COL18A1: variants seen among roughly 807,000 people sequenced by gnomAD.
The protein encoded by COL18A1 is collagen type XVIII alpha 1 chain.
COL18A1 carries 133 observed loss-of-function variants against 168.0 expected under a neutral mutation model. The ratio of observed to expected loss-of-function variants is 0.79; its 90% confidence interval spans 0.69 to 0.91. COL18A1 has a LOEUF of 0.91. COL18A1 is among the 40% of genes least tolerant of loss of function. The pLI, the probability that COL18A1 is intolerant of heterozygous loss-of-function variation, is 0.00. For synonymous variants in COL18A1, 949 were observed against 809.0 expected, an observed-to-expected ratio of 1.17 and a Z score of -2.94; for missense variants, 2,126 against 1,925.4, an observed-to-expected ratio of 1.10 and a Z score of -1.95.
At chr21:45,445,377 G>A (rs969083584) in intron 2 of COL18A1, among the ~76,000 whole-genome samples, 2 of 152,212 alleles carry the variant, frequency 1.3e-5, no homozygotes, top group African/African-American at 2.4e-5. Flanking sequence ...ACTTCTGAGC[G>A]GTGTCCACCT....
chr21:45,504,083 C>T (rs768956613), intron 33 of COL18A1, 29 bp downstream of exon 33: 22 of 1,611,342 alleles, frequency 1.4e-5, no homozygotes, highest in Non-Finnish European at 1.7e-5. Context: ...GGGTTGGGGG[C>T]CCCCAAGGTC....
intron 9 of COL18A1, among the ~76,000 whole-genome samples, chr21:45,479,253 TTACACAC>T (rs1419199758): frequency 6.6e-6 from 1 of 151,420 alleles, no homozygotes; most frequent in Non-Finnish European, 1.5e-5. Context: ...ACACCACACA[TTACACAC>T]CACACGTGGA....
At chr21:45,509,633 A>G in intron 39 of COL18A1, 32 bp downstream of exon 39, 1 of 1,173,724 alleles carries the variant, frequency 8.5e-7, no homozygotes, top group Non-Finnish European at 1.2e-6. Flanking sequence ...GCTTGGCTCC[A>G]TCTAGCCCCT....
Position 45,497,105 on chromosome 21 carries a change from G to A in COL18A1, c.2620+13G>A, listed in dbSNP as rs771100378. On this transcript the variant is annotated intron_variant, in intron 31 of 41. Coordinates refer to ENST00000651438, the MANE Select transcript of COL18A1 (RefSeq NM_001379500.1). ...CCAGGATTGCCAGGTGAGGGTCCTG[G>A]GCTCACAGCTGGGGACACAGGCTCT... 1.3e-6 allele frequency: 2 copies of A among 1,546,510 alleles called. No homozygotes were observed. Among genetic ancestry groups the A allele is most frequent in the South Asian group, 2.2e-5 (2 of 89,976 alleles).
chr21:45,467,347 G>A, intron 2 of COL18A1: 1 of 985,468 alleles, frequency 1.0e-6, no homozygotes, highest in Non-Finnish European at 1.2e-6. Flanking sequence ...GGAATGAGTG[G>A]AGTGAGTCAC....
intron 23 of COL18A1, 36 bp downstream of exon 23, chr21:45,492,600 C>G: frequency 6.2e-7 from 1 of 1,612,498 alleles, no homozygotes; most frequent in Non-Finnish European, 8.5e-7. Context: ...GACGGGCCTG[C>G]GGGGACCTGG....
In COL18A1 at chr21:45,510,982, A is replaced by T; in HGVS notation, c.3694-129A>T. The T allele has an allele frequency of 5.6e-4, 8 of 14,392 alleles. 3 individuals are homozygous for T. The highest frequency in any genetic ancestry group is 9.9e-4 in the South Asian group (2 of 2,020). The allele number at this position is 14,392 out of a possible 1,614,324, so 0.9% of individuals were successfully genotyped here. On this transcript the variant is annotated intron_variant, in intron 40 of 41. Transcript: ENST00000651438. ...CCACATACACCCCCAAACACCCCCC[A>T]CACCCCACACACACAACACACCCCC...
chr21:45,405,897 G>A (rs2033089645), intron 2 of COL18A1, among the ~76,000 whole-genome samples: 1 of 151,816 alleles, frequency 6.6e-6, no homozygotes, highest in Non-Finnish European at 1.5e-5. Context: ...TCGTCTCCGC[G>A]TTTCCAACCT....
rs758219052 is a variant in COL18A1 at position 45,463,941 on chromosome 21, TCATTGTTATATCATGTG to T, written c.107-4298_107-4282del. ...AAAGAAATCAAGTCTTGAGGCATCA[TCATTGTTATATCATGTG>T]CAGGTGTCTAGCCTGGATGCCACCC... On this transcript the variant is annotated intron_variant, in intron 2 of 41. Coordinates refer to ENST00000651438, the MANE Select transcript of COL18A1 (RefSeq NM_001379500.1). The surrounding 1 kb of genome is among the most constrained non-coding windows in gnomAD (Gnocchi z 4.0). Among the ~76,000 whole-genome samples the T allele has an allele frequency of 1.3e-5, 2 of 151,938 alleles. No homozygotes were observed. The highest frequency in any genetic ancestry group is 2.9e-5 in the Non-Finnish European group (2 of 67,972).
At chr21:45,495,759 C>T in intron 29 of COL18A1, 1 of 379,732 alleles carries the variant, frequency 2.6e-6, no homozygotes, top group South Asian at 2.2e-5. Flanking sequence ...TGTACACATG[C>T]CCATACACTC....
At chr21:45,428,016 A>G (rs542475481) in intron 2 of COL18A1, among the ~76,000 whole-genome samples, 8 of 152,242 alleles carry the variant, frequency 5.3e-5, no homozygotes, top group Non-Finnish European at 8.8e-5. Flanking sequence ...GTCACAGCCA[A>G]CGCAGCCTAC....
intron 36 of COL18A1, among the ~76,000 whole-genome samples, 173 bp downstream of exon 36, chr21:45,505,604 A>G (rs2037152035): frequency 6.6e-6 from 1 of 152,104 alleles, no homozygotes; most frequent in Non-Finnish European, 1.5e-5. Context: ...AGGTGGACCC[A>G]GGAGGACGAC....
In COL18A1 at chr21:45,510,222, C is replaced by A. The variant is rs1391001632; in HGVS notation, c.3654C>A (p.Arg1218=). 1.9e-6 allele frequency: 3 copies of A among 1,606,398 alleles called. No homozygotes were observed. Among genetic ancestry groups the A allele is most frequent in the Non-Finnish European group, 2.5e-6 (3 of 1,177,224 alleles). ...SRLQDLYSIV[R]RADRAAVPIV... ...TGCAGGACCTGTACAGCATCGTGCGCCGTGCCGACCGCGCAGCCGTGCCCA... is the reference window on the plus strand; with the variant it reads ...TGCAGGACCTGTACAGCATCGTGCGACGTGCCGACCGCGCAGCCGTGCCCA... Residue 1218 remains arginine, a synonymous_variant, in exon 40 of 42, where the codon CGC becomes CGA. Transcript: ENST00000651438.
chr21:45,437,856 A>ACT (rs2034219005), intron 2 of COL18A1, among the ~76,000 whole-genome samples: 1 of 64,840 alleles, frequency 1.5e-5, no homozygotes, highest in East Asian at 4.5e-4. Flanking sequence ...GCACACACTC[A>ACT]CACTCACACT....
At position 45,489,492 on chromosome 21, in the gene COL18A1, C is replaced by T. The variant is rs1238589520; in HGVS notation, c.1930C>T (p.Pro644Ser). The stretch of plus-strand genomic sequence containing the variant: ...AGCCCCTTTTTTCACTTAGGGGGAT[C>T]CTGGCGTGCCTGGGCTGCCGGGGGC... Reference protein sequence around the residue: ...PPGLPGLKGDPGVPGLPGAKG... With the variant: ...PPGLPGLKGDSGVPGLPGAKG... The change falls in exon 19 of 42, where the codon CCT (proline) becomes TCT (serine). Residue 644 changes from proline to serine, a missense_variant. Physicochemically the swap from Pro to Ser is moderately conservative, Grantham distance 74. Transcript: ENST00000651438. 2.5e-6 allele frequency: 4 copies of T among 1,602,254 alleles called. No individual in the cohort carries two copies. Among genetic ancestry groups the T allele is most frequent in the African/African-American group, 1.3e-5 (1 of 74,746 alleles).
chr21:45,495,614 G>A lies in COL18A1; in HGVS notation c.2508+182G>A, dbSNP rs62214267. ...GTCATACATGTCCACACACGCACAC[G>A]TGTGCCCAAACATGCATGCACATAT... On this transcript the variant is annotated intron_variant, in intron 29 of 41. Transcript: ENST00000651438. 86,920 of 560,078 alleles carry A rather than the reference G, an allele frequency of 0.16. 6,707 individuals carry two copies. The highest frequency in any genetic ancestry group is 0.26 in the African/African-American group (13,489 of 52,462). The allele number at this position is 560,078 out of a possible 1,614,324, so 34.7% of individuals were successfully genotyped here.
At chr21:45,429,103 A>G (rs1467154319) in intron 2 of COL18A1, among the ~76,000 whole-genome samples, 1 of 151,666 alleles carries the variant, frequency 6.6e-6, no homozygotes, top group Admixed American at 6.6e-5. Context: ...GGGTTTCATC[A>G]TGTTGGCCAG....
chr21:45,456,105 C>T lies in COL18A1; in HGVS notation c.107-12137C>T, dbSNP rs963368953. The T allele has an allele frequency of 1.3e-6, 2 of 1,590,562 alleles. No homozygotes were observed. The highest frequency in any genetic ancestry group is 1.7e-6 in the Non-Finnish European group (2 of 1,165,754). On this transcript the variant is annotated intron_variant, in intron 2 of 41. Coordinates refer to ENST00000651438, the MANE Select transcript of COL18A1 (RefSeq NM_001379500.1). ...GAGGCTGGCACCTTGCCTGCACCCA[C>T]CCCATCGCCTCCCTCCCTGGGCAGG...
At position 45,473,488 on chromosome 21, in the gene COL18A1, G is replaced by T. The variant is rs1231197206; in HGVS notation, c.652-407G>T. On this transcript the variant is annotated intron_variant, in intron 3 of 41. Transcript: ENST00000651438. This position sits in a 1 kb window ranked among gnomAD's most constrained non-coding sequence, Gnocchi z 4.0. The stretch of plus-strand genomic sequence containing the variant: ...TTGGTCCGAGTCGGGAGATGAGGCC[G>T]CCTGGTGCTTGCGTAAAGCTCCCGG... Among the ~76,000 whole-genome samples, 2 of 152,282 alleles carry T rather than the reference G, an allele frequency of 1.3e-5. No homozygotes were observed. Among genetic ancestry groups the T allele is most frequent in the East Asian group, 3.9e-4 (2 of 5,162 alleles).
Sources: allele counts gnomAD v4.1 joint callset (sites outside exome capture counted in the v4.1 genomes callset), GRCh38; gene constraint gnomAD v4.1.1; non-coding constraint Gnocchi (gnomAD v3.1); transcripts MANE v1.5; gene names NCBI Gene and HGNC (gene_info 2026-07-23, HGNC 2026-07-21).